Variants in PRKG1 observed in about 807,000 individuals in gnomAD.
The protein encoded by PRKG1 is cGMP-dependent protein kinase 1.
A neutral mutation model predicts 88.1 loss-of-function variants in PRKG1; 35 were observed. The observed-to-expected ratio is 0.40, with a 90% CI of 0.30 to 0.53. PRKG1 has a LOEUF of 0.53. PRKG1 is among the 20% of genes least tolerant of loss of function. PRKG1 has a pLI of 0.59. For synonymous variants in PRKG1, 303 were observed against 292.5 expected, an observed-to-expected ratio of 1.04 and a Z score of -0.37; for missense variants, 540 against 839.8, an observed-to-expected ratio of 0.64 and a Z score of 4.41.
At chr10:51,196,818 G>T (rs1416061534) in intron 2 of PRKG1, among the ~76,000 whole-genome samples, 1 of 152,172 alleles carries the variant, frequency 6.6e-6, no homozygotes, top group Non-Finnish European at 1.5e-5. Context: ...GCCACTTTCT[G>T]CAGATGAAAT....
At chr10:51,647,602 T>A (rs1839944468) in intron 3 of PRKG1, among the ~76,000 whole-genome samples, 1 of 152,202 alleles carries the variant, frequency 6.6e-6, no homozygotes, top group South Asian at 2.1e-4. Flanking sequence ...GACTAATTGT[T>A]TGATAGTATT....
rs529359051 is a variant in PRKG1, at chr10:51,807,344, A to G, written c.698+2654A>G. 2.6e-5 allele frequency among the ~76,000 whole-genome samples: 4 copies of G among 152,322 alleles called. No homozygotes were observed. The South Asian group carries it at 8.3e-4, about 32-fold the overall frequency. ...CAGGTCCTATTCTTCGGTACAAGTCACACATCCATGAAGCCATGTAGGGGT... is the reference window on the plus strand; with the variant it reads ...CAGGTCCTATTCTTCGGTACAAGTCGCACATCCATGAAGCCATGTAGGGGT... On this transcript the variant is annotated intron_variant, in intron 4 of 17. Coordinates refer to ENST00000373980, the MANE Select transcript of PRKG1 (RefSeq NM_006258.4).
intron 2 of PRKG1, among the ~76,000 whole-genome samples, chr10:51,393,950 G>T (rs1039453874): frequency 6.6e-6 from 1 of 152,036 alleles, no homozygotes; most frequent in Non-Finnish European, 1.5e-5. Context: ...TCCCATCTTG[G>T]CATTTCTTCA....
chr10:51,916,934 A>G (rs1842353982), intron 5 of PRKG1, among the ~76,000 whole-genome samples: 2 of 152,244 alleles, frequency 1.3e-5, no homozygotes, highest in African/African-American at 4.8e-5. Flanking sequence ...ATATTGTGTG[A>G]TTTCATTTAC....
At position 51,467,777 on chromosome 10, in the gene PRKG1, G is replaced by C. The variant is rs991136196; in HGVS notation, c.533G>C (p.Gly178Ala). ...EGVKLCTMGP[G>A]KVFGELAILY... ...GTGAAGTTGTGTACCATGGGTCCAG[G>C]AAAAGTGTTTGGGGAATTGGCTATT... The change falls in exon 3 of 18, where the codon GGA becomes GCA. Residue 178 changes from glycine (G) to alanine (A), a missense_variant. By Grantham distance (60) the Gly-to-Ala change is moderately conservative (BLOSUM62 0). This residue lies in a region of PRKG1 where 400 missense variants were observed against 562.7 expected (regional missense o/e 0.71). Coordinates refer to ENST00000373980, the MANE Select transcript of PRKG1 (RefSeq NM_006258.4). 1.2e-6 allele frequency: 2 copies of C among 1,612,812 alleles called. No individual in the cohort carries two copies. The highest frequency in any genetic ancestry group is 2.7e-5 in the African/African-American group (2 of 74,870).
chr10:51,661,948 A>G (rs978516324), intron 3 of PRKG1, among the ~76,000 whole-genome samples: 3 of 152,104 alleles, frequency 2.0e-5, no homozygotes, highest in Non-Finnish European at 2.9e-5. Flanking sequence ...GAAGCTGGAA[A>G]CCATCATTCT....
chr10:51,989,559 C>T (rs1015044389), intron 5 of PRKG1, among the ~76,000 whole-genome samples: 3 of 150,770 alleles, frequency 2.0e-5, no homozygotes, highest in Non-Finnish European at 2.9e-5. Context: ...ATCATAATAG[C>T]TTTGGCTATC....
chr10:52,262,198 A>G (rs1841448867), intron 10 of PRKG1, among the ~76,000 whole-genome samples: 1 of 152,116 alleles, frequency 6.6e-6, no homozygotes. Context: ...TAATTTATAA[A>G]TAATTTTCAC....
intron 7 of PRKG1, chr10:52,128,386 G>C: frequency 6.1e-6 from 6 of 985,336 alleles, no homozygotes; most frequent in Non-Finnish European, 7.2e-6. Context: ...ATGAACGCTA[G>C]AGTTCTCTCA....
chr10:51,721,986 C>T (rs1017599971), intron 3 of PRKG1, among the ~76,000 whole-genome samples: 10 of 152,152 alleles, frequency 6.6e-5, no homozygotes, highest in African/African-American at 9.7e-5. Flanking sequence ...AATCCCAGCA[C>T]TTTGGGAGGC....
At chr10:51,107,044 G>T (rs1408711007) in intron 1 of PRKG1, among the ~76,000 whole-genome samples, 1 of 152,196 alleles carries the variant, frequency 6.6e-6, no homozygotes, top group African/African-American at 2.4e-5. Context: ...TGGGGTAAGA[G>T]GATGGACTAA....
chr10:51,059,599 T>A (rs941536698), intron 1 of PRKG1, among the ~76,000 whole-genome samples: 1 of 152,170 alleles, frequency 6.6e-6, no homozygotes, highest in African/African-American at 2.4e-5. Flanking sequence ...AAATTATAAA[T>A]GGATTTTGAA....
rs34444612 is a variant in PRKG1, at chr10:51,040,311, C to CTTTT, written c.266+48689_266+48692dup. On this transcript the variant is annotated intron_variant, in intron 1 of 17. Coordinates refer to the PRKG1 transcript ENST00000401604. ...CTTTCTTGCTTTTTTTTCTTTTTCT[C>CTTTT]TTTTTTTTTTTTTTTTTTTTTTTTT... Among the ~76,000 whole-genome samples the CTTTT allele has an allele frequency of 1.7e-3, 71 of 42,620 alleles. 5 individuals carry two copies. Among genetic ancestry groups the CTTTT allele is most frequent in the African/African-American group, 4.1e-3 (45 of 10,938 alleles). The allele number at this position is 42,620 out of a possible 152,430, so 28.0% of individuals were successfully genotyped here. A position where few individuals can be genotyped will look rare whatever the true frequency, so the allele number is the denominator to read the frequency against.
At chr10:51,346,336 A>G (rs933554166) in intron 2 of PRKG1, among the ~76,000 whole-genome samples, 4 of 152,260 alleles carry the variant, frequency 2.6e-5, no homozygotes, top group Non-Finnish European at 5.9e-5. Context: ...TTATTTGAAG[A>G]TAAACGTAAG....
At chr10:52,234,088 C>T (rs1011569567) in intron 9 of PRKG1, among the ~76,000 whole-genome samples, 62 of 152,112 alleles carry the variant, frequency 4.1e-4, no homozygotes, top group African/African-American at 1.4e-3. Context: ...TTCCAACAGA[C>T]CTGCAGCTGA....
chr10:52,128,230 G>A, intron 7 of PRKG1: 5 of 985,430 alleles, frequency 5.1e-6, no homozygotes, highest in Non-Finnish European at 6.0e-6. Context: ...ATGAAGGCTG[G>A]CACTGAGAGA....
chr10:52,229,697 G>A (rs1840477895), intron 9 of PRKG1, among the ~76,000 whole-genome samples: 2 of 152,138 alleles, frequency 1.3e-5, no homozygotes, highest in Admixed American at 6.5e-5. Flanking sequence ...GCATATTGAT[G>A]TATCATCTGT....
At chr10:51,007,193 C>T (rs962285330) in intron 1 of PRKG1, among the ~76,000 whole-genome samples, 3 of 152,054 alleles carry the variant, frequency 2.0e-5, no homozygotes, top group African/African-American at 7.2e-5. Flanking sequence ...GATCCACCCA[C>T]TTCGGCCTCC....
chr10:51,604,015 ATTT>A (rs1838687749), intron 3 of PRKG1, among the ~76,000 whole-genome samples: 1 of 150,550 alleles, frequency 6.6e-6, no homozygotes, highest in African/African-American at 2.4e-5. Context: ...GACTTTATAT[ATTT>A]TATTTTATTT....
Sources: allele counts gnomAD v4.1 joint callset (sites outside exome capture counted in the v4.1 genomes callset), GRCh38; gene constraint gnomAD v4.1.1; regional missense constraint gnomAD v4.1.1; transcripts MANE v1.5; gene names NCBI Gene and HGNC (gene_info 2026-07-23, HGNC 2026-07-21).